Variants in TLN2 observed in about 807,000 individuals in gnomAD.
TLN2 encodes the protein talin-2.
A neutral mutation model predicts 294.7 loss-of-function variants in TLN2; 118 were observed. The observed-to-expected ratio is 0.40, with a 90% CI of 0.34 to 0.47. The LOEUF is 0.47. TLN2 is among the 20% of genes least tolerant of loss of function. The probability of loss-of-function intolerance (pLI) is 0.84; values close to 1 mark genes in which losing one functional copy is unlikely to be tolerated. For missense variants in TLN2, 3,083 were observed against 3,282.2 expected (o/e 0.94, Z 1.48); for synonymous variants, 1,431 against 1,304.5 (o/e 1.10, Z -2.09).
intron 9 of TLN2, among the ~76,000 whole-genome samples, chr15:62,673,598 G>T (rs1596624568): frequency 6.9e-6 from 1 of 144,410 alleles, no homozygotes. Flanking sequence ...AATAGATCCT[G>T]GAATTTCTTT....
chr15:62,658,430 G>C (rs1451254573), intron 9 of TLN2, among the ~76,000 whole-genome samples: 2 of 152,194 alleles, frequency 1.3e-5, no homozygotes, highest in South Asian at 2.1e-4. Flanking sequence ...GTATGCCTTT[G>C]AGTAAGAAGA....
intron 1 of TLN2, among the ~76,000 whole-genome samples, chr15:62,582,971 G>T (rs1313252985): frequency 6.6e-6 from 1 of 152,154 alleles, no homozygotes; most frequent in Non-Finnish European, 1.5e-5. Flanking sequence ...CCAAGGAAGA[G>T]TTAGACACTT....
intron 11 of TLN2, 86 bp downstream of exon 11, chr15:62,675,407 C>A: frequency 7.5e-7 from 1 of 1,336,852 alleles, no homozygotes; most frequent in South Asian, 1.3e-5. Context: ...CCTGGTTTGT[C>A]CTGCTCACCC....
chr15:62,452,817 T>G (rs1386671955), intron 1 of TLN2, among the ~76,000 whole-genome samples: 2 of 152,234 alleles, frequency 1.3e-5, no homozygotes, highest in East Asian at 3.8e-4. Flanking sequence ...CTGTCCTTGT[T>G]GCCCAGAGTG....
chr15:62,478,700 A>G (rs946049737), intron 1 of TLN2, among the ~76,000 whole-genome samples: 1 of 152,152 alleles, frequency 6.6e-6, no homozygotes, highest in South Asian at 2.1e-4. Flanking sequence ...GTGTGTTCTG[A>G]TGACTGTTTT....
chr15:62,822,682 C>T (rs917925062), intron 54 of TLN2, among the ~76,000 whole-genome samples: 2 of 152,104 alleles, frequency 1.3e-5, no homozygotes, highest in South Asian at 2.1e-4. Flanking sequence ...TTATGTGTGC[C>T]CTTAGAGCTA....
chr15:62,631,336 G>A (rs1478453119), intron 3 of TLN2, among the ~76,000 whole-genome samples: 1 of 152,160 alleles, frequency 6.6e-6, no homozygotes, highest in African/African-American at 2.4e-5. Flanking sequence ...AATAGAGGAA[G>A]CTTGCTCAGT....
chr15:62,717,629 G>A lies in TLN2; in HGVS notation c.2817G>A (p.Gln939=). Residue 939 remains glutamine (Q), a synonymous_variant, in exon 24 of 59, where the codon CAG becomes CAA. Transcript: ENST00000636159. ...CCACACAGACCATCGCCGCCTCCCA[G>A]AATGCAGCTGTTTCCAACAAGAACC... ...AAATQTIAAS[Q]NAAVSNKNPA... 1 of 1,605,530 alleles carries A rather than the reference G, an allele frequency of 6.2e-7. No homozygotes were observed.
At chr15:62,816,580 C>T (rs1021438517) in intron 52 of TLN2, among the ~76,000 whole-genome samples, 2 of 152,178 alleles carry the variant, frequency 1.3e-5, no homozygotes, top group African/African-American at 4.8e-5. Context: ...GAAGGCCCTC[C>T]TTTTAGAGAC....
intron 1 of TLN2, among the ~76,000 whole-genome samples, chr15:62,568,065 C>T (rs888645318): frequency 6.6e-6 from 1 of 152,178 alleles, no homozygotes. Context: ...ATATTATTAG[C>T]ATTTTTATGT....
At chr15:62,430,318 G>A (rs2034946002) in intron 1 of TLN2, among the ~76,000 whole-genome samples, 1 of 152,182 alleles carries the variant, frequency 6.6e-6, no homozygotes, top group South Asian at 2.1e-4. Context: ...TAGTGTATCT[G>A]TCTTATTGGG....
chr15:62,809,831 G>A lies in TLN2; in HGVS notation c.6664-94G>A, dbSNP rs1028647232. The A allele has an allele frequency of 5.0e-6, 6 of 1,209,304 alleles. No homozygotes were observed. In the African/African-American group the frequency reaches 9.0e-5, roughly 18 times the overall value. 74.9% of individuals were successfully genotyped at this position (1,209,304 alleles called of 1,614,324 possible). On this transcript the variant is annotated intron_variant, in intron 51 of 58. Transcript: ENST00000636159. The stretch of plus-strand genomic sequence containing the variant: ...CAGGGAGTCAGGGCAGTTTCTTGAG[G>A]TCACCAGGGTTAAGGTCTCTTGCCT...
intron 1 of TLN2, among the ~76,000 whole-genome samples, chr15:62,542,009 A>G (rs1005864955): frequency 2.0e-5 from 3 of 151,830 alleles, no homozygotes; most frequent in Non-Finnish European, 2.9e-5. Flanking sequence ...ATACTTTCAT[A>G]AGATGCAAAG....
chr15:62,418,149 G>T (rs1170580386), intron 1 of TLN2, among the ~76,000 whole-genome samples: 1 of 152,196 alleles, frequency 6.6e-6, no homozygotes, highest in Non-Finnish European at 1.5e-5. Context: ...AGATGGTAGA[G>T]ACCAAATGGT....
At chr15:62,424,974 A>C (rs1308478348) in intron 1 of TLN2, among the ~76,000 whole-genome samples, 2 of 124,304 alleles carry the variant, frequency 1.6e-5, no homozygotes, top group East Asian at 2.4e-4. Flanking sequence ...TTTTTTTAAG[A>C]GATAGTCTTG....
chr15:62,632,019 C>T (rs991781018), intron 3 of TLN2, among the ~76,000 whole-genome samples: 15 of 152,164 alleles, frequency 9.9e-5, no homozygotes, highest in African/African-American at 1.4e-4. Flanking sequence ...ATTGGACCAC[C>T]GGTAAGAGAG....
intron 55 of TLN2, 195 bp from the exon 56 acceptor site, chr15:62,835,542 G>C: frequency 1.6e-6 from 1 of 618,826 alleles, no homozygotes; most frequent in Non-Finnish European, 2.9e-6. Context: ...AAACCTGCCA[G>C]GATGTGCTGT....
intron 1 of TLN2, among the ~76,000 whole-genome samples, chr15:62,533,253 C>CAA (rs10650730): frequency 0.011 from 580 of 50,808 alleles, 18 homozygotes; most frequent in Non-Finnish European, 0.013. Context: ...GACTCTGTCT[C>CAA]AAAAAAAAAA....
intron 9 of TLN2, among the ~76,000 whole-genome samples, chr15:62,671,584 G>A (rs1218025778): frequency 6.6e-6 from 1 of 152,136 alleles, no homozygotes; most frequent in Admixed American, 6.5e-5. Flanking sequence ...AAAATCAGTT[G>A]ACTGTAAAGG....
Sources: gnomAD v4.1 joint callset for allele counts (sites outside exome capture counted in the v4.1 genomes callset) on GRCh38, gnomAD v4.1.1 for gene constraint, MANE v1.5 for transcripts, NCBI Gene and HGNC (gene_info 2026-07-23, HGNC 2026-07-21) for gene names.